Variants in CDH9 observed in about 807,000 individuals in gnomAD.
CDH9 encodes the protein cadherin 9.
In CDH9, 28 loss-of-function variants were observed where a neutral mutation model predicts 70.9. The observed-to-expected ratio is 0.40, with a 90% CI of 0.29 to 0.54. The LOEUF (loss-of-function observed/expected upper bound fraction) is 0.54. Ranked by LOEUF, CDH9 falls within the 20% of genes least tolerant of loss-of-function variation. The pLI, the probability that CDH9 is intolerant of heterozygous loss-of-function variation, is 0.59. For synonymous variants in CDH9, 409 were observed against 343.1 expected, an observed-to-expected ratio of 1.19 and a Z score of -2.12; for missense variants, 874 against 984.4, an observed-to-expected ratio of 0.89 and a Z score of 1.50.
intron 3 of CDH9, among the ~76,000 whole-genome samples, chr5:26,908,245 C>T (rs35329370): frequency 6.6e-6 from 1 of 152,066 alleles, no homozygotes; most frequent in African/African-American, 2.4e-5. Context: ...AAAAAATTAT[C>T]CACCCATGTG....
intron 1 of CDH9, among the ~76,000 whole-genome samples, chr5:27,025,950 C>A (rs564068464): frequency 7.2e-5 from 11 of 152,080 alleles, no homozygotes; most frequent in East Asian, 5.8e-4. Flanking sequence ...CCACTTCCTG[C>A]CTTAGCTTCA....
At chr5:27,027,116 C>T (rs1261881752) in intron 1 of CDH9, among the ~76,000 whole-genome samples, 1 of 152,016 alleles carries the variant, frequency 6.6e-6, no homozygotes, top group Admixed American at 6.6e-5. Context: ...TCATCATTCA[C>T]TCACATCTCC....
intron 2 of CDH9, among the ~76,000 whole-genome samples, chr5:26,977,485 GTATATATA>G (rs775423954): frequency 7.3e-5 from 5 of 68,852 alleles, no homozygotes; most frequent in African/African-American, 4.9e-4. Context: ...GTGTGTGTGT[GTATATATA>G]TATATATATA....
chr5:26,942,620 C>G (rs1425170120), intron 2 of CDH9, among the ~76,000 whole-genome samples: 2 of 152,082 alleles, frequency 1.3e-5, no homozygotes, highest in Non-Finnish European at 1.5e-5. Flanking sequence ...TTGGCCAAGA[C>G]AGGATAAGAT....
At chr5:26,986,388 TG>T (rs1579495316) in intron 2 of CDH9, among the ~76,000 whole-genome samples, 2 of 152,146 alleles carry the variant, frequency 1.3e-5, no homozygotes, top group East Asian at 1.9e-4. Flanking sequence ...ATTTAGTAAT[TG>T]TTTATGACAG....
intron 3 of CDH9, 98 bp from the exon 4 acceptor site, chr5:26,906,936 G>T: frequency 7.3e-7 from 1 of 1,369,834 alleles, no homozygotes; most frequent in South Asian, 2.1e-5. Flanking sequence ...TTTTGTATTA[G>T]ACGATGTTGT....
chr5:26,908,675 G>C (rs796866138), intron 3 of CDH9, among the ~76,000 whole-genome samples: 1 of 152,134 alleles, frequency 6.6e-6, no homozygotes, highest in African/African-American at 2.4e-5. Context: ...TTGAAGTTAC[G>C]CAAGGACGCT....
intron 1 of CDH9, among the ~76,000 whole-genome samples, chr5:27,006,937 A>G (rs1313878850): frequency 6.6e-6 from 1 of 152,096 alleles, no homozygotes; most frequent in Non-Finnish European, 1.5e-5. Context: ...ACATAACCAG[A>G]GAGTTTGTGA....
intron 2 of CDH9, among the ~76,000 whole-genome samples, chr5:26,917,092 A>T (rs1741163346): frequency 6.6e-6 from 1 of 152,012 alleles, no homozygotes; most frequent in African/African-American, 2.4e-5. Context: ...AGATTTTACA[A>T]TCCTAACACG....
intron 3 of CDH9, among the ~76,000 whole-genome samples, chr5:26,914,995 G>A (rs889698180): frequency 1.3e-5 from 2 of 151,962 alleles, no homozygotes; most frequent in Non-Finnish European, 2.9e-5. Flanking sequence ...ATGGTGGGCA[G>A]CCTTAAGAAG....
chr5:27,033,470 A>G (rs1185397795), intron 1 of CDH9, among the ~76,000 whole-genome samples: 3 of 48,102 alleles, frequency 6.2e-5, no homozygotes, highest in Non-Finnish European at 1.8e-4. Context: ...AGACATAGAT[A>G]GACAGACAGA....
intron 1 of CDH9, among the ~76,000 whole-genome samples, chr5:27,021,843 T>A (rs1743143129): frequency 6.6e-6 from 1 of 151,956 alleles, no homozygotes; most frequent in Admixed American, 6.6e-5. Context: ...TCCTTCTTCA[T>A]AACATCAGGA....
At chr5:26,944,372 G>T (rs1210557238) in intron 2 of CDH9, among the ~76,000 whole-genome samples, 1 of 151,988 alleles carries the variant, frequency 6.6e-6, no homozygotes. Context: ...GGATAACTTG[G>T]TTGGGCAGAA....
intron 1 of CDH9, among the ~76,000 whole-genome samples, chr5:27,016,249 G>A (rs1430696952): frequency 6.6e-6 from 1 of 151,680 alleles, no homozygotes; most frequent in Non-Finnish European, 1.5e-5. Context: ...TCAAGTATAA[G>A]TTTTAGCCAT....
chr5:26,971,616 C>T (rs1235706280), intron 2 of CDH9, among the ~76,000 whole-genome samples: 1 of 152,138 alleles, frequency 6.6e-6, no homozygotes, highest in Non-Finnish European at 1.5e-5. Flanking sequence ...GAAGTTTAAT[C>T]TCTTTACAGT....
intron 2 of CDH9, among the ~76,000 whole-genome samples, chr5:26,916,591 C>A (rs925371458): frequency 6.6e-6 from 1 of 151,808 alleles, no homozygotes; most frequent in Non-Finnish European, 1.5e-5. Context: ...AACCATATAC[C>A]GTAACAAAAG....
At chr5:26,916,362 C>A (rs935332251) in intron 2 of CDH9, among the ~76,000 whole-genome samples, 4 of 151,822 alleles carry the variant, frequency 2.6e-5, no homozygotes, top group African/African-American at 9.7e-5. Context: ...AGAATAGCTA[C>A]CTTAATTTTT....
chr5:26,885,577 T>C, intron 11 of CDH9, 37 bp downstream of exon 11: 1 of 1,581,222 alleles, frequency 6.3e-7, no homozygotes, highest in Non-Finnish European at 8.7e-7. Context: ...GAGAGATTTT[T>C]GTGAGTTAAA....
intron 1 of CDH9, among the ~76,000 whole-genome samples, chr5:27,005,413 A>G (rs548627984): frequency 6.6e-6 from 1 of 152,252 alleles, no homozygotes; most frequent in East Asian, 1.9e-4. Context: ...AGCATATGAA[A>G]AAAAGCTCAG....
Sources: allele counts gnomAD v4.1 joint callset (sites outside exome capture counted in the v4.1 genomes callset), GRCh38; gene constraint gnomAD v4.1.1; transcripts MANE v1.5; gene names NCBI Gene and HGNC (gene_info 2026-07-23, HGNC 2026-07-21).